The following PTPRR variants were observed in gnomAD, a reference collection of about 807,000 sequenced individuals.
The protein encoded by PTPRR is protein tyrosine phosphatase receptor type R.
A neutral mutation model predicts 77.2 loss-of-function variants in PTPRR; 38 were observed. That is an observed-to-expected ratio of 0.49 (90% CI 0.38 to 0.65). The LOEUF is 0.65. Ranked by LOEUF, PTPRR falls within the 30% of genes least tolerant of loss-of-function variation. The pLI is 0.00. For synonymous variants in PTPRR, 299 were observed against 283.1 expected (o/e 1.06, Z -0.57); for missense variants, 744 against 799.2 (o/e 0.93, Z 0.83).
intron 2 of PTPRR, among the ~76,000 whole-genome samples, chr12:70,874,836 C>T (rs71454297): frequency 0.021 from 3,119 of 148,008 alleles, 48 homozygotes; most frequent in African/African-American, 0.042. Context: ...GCAGGGGAAT[C>T]GCTTGAACCC....
chr12:70,758,654 A>G (rs1486348863), intron 4 of PTPRR, among the ~76,000 whole-genome samples: 2 of 152,128 alleles, frequency 1.3e-5, no homozygotes, highest in Non-Finnish European at 2.9e-5. Flanking sequence ...ACTGCTTCAG[A>G]TTCAGACGTG....
At chr12:70,767,110 T>C (rs1477788744) in intron 2 of PTPRR, among the ~76,000 whole-genome samples, 1 of 151,036 alleles carries the variant, frequency 6.6e-6, no homozygotes, top group Non-Finnish European at 1.5e-5. Flanking sequence ...CATCAACTAA[T>C]GAGCAAAATA....
intron 2 of PTPRR, among the ~76,000 whole-genome samples, chr12:70,800,548 A>G (rs1891597075): frequency 6.6e-6 from 1 of 152,174 alleles, no homozygotes; most frequent in Admixed American, 6.5e-5. Flanking sequence ...CTTTACAGCA[A>G]ACTCATAAAG....
At chr12:70,726,793 A>G (rs1338624685) in intron 6 of PTPRR, among the ~76,000 whole-genome samples, 1 of 152,008 alleles carries the variant, frequency 6.6e-6, no homozygotes, top group African/African-American at 2.4e-5. Context: ...GTCTCTGCTA[A>G]AAGGTCTTGA....
In PTPRR at chr12:70,892,837, G is replaced by C. The variant is rs1156830605; in HGVS notation, c.199C>G (p.His67Asp). ...APQKIYRHSY[H>D]SSSEAQVSKR... ...CTTACTTGAGCTTCGGAAGAGGAATGGTAGCTATGTCTGTAGATTTTTTGT... is the reference window on the plus strand; with the variant it reads ...CTTACTTGAGCTTCGGAAGAGGAATCGTAGCTATGTCTGTAGATTTTTTGT... Residue 67 changes from histidine to aspartate, a missense_variant, in exon 2 of 14, where the codon CAT (histidine) becomes GAT (aspartate). Physicochemically the swap from His to Asp is moderately conservative, Grantham distance 81 (BLOSUM62 -1). Coordinates refer to ENST00000283228, the MANE Select transcript of PTPRR (RefSeq NM_002849.4). 1.2e-6 allele frequency: 2 copies of C among 1,613,494 alleles called. No individual in the cohort carries two copies. The highest frequency in any genetic ancestry group is 1.7e-5 in the Admixed American group (1 of 59,944).
At chr12:70,855,755 A>C (rs1183787490) in intron 2 of PTPRR, among the ~76,000 whole-genome samples, 1 of 152,224 alleles carries the variant, frequency 6.6e-6, no homozygotes, top group African/African-American at 2.4e-5. Flanking sequence ...TACTATGTGA[A>C]GAAAAGTTAT....
At chr12:70,734,962 A>G (rs1015608499) in intron 6 of PTPRR, among the ~76,000 whole-genome samples, 27 of 152,328 alleles carry the variant, frequency 1.8e-4, no homozygotes, top group Admixed American at 3.3e-4. Flanking sequence ...ATGACGTACC[A>G]TTAATTTTCA....
At chr12:70,729,827 TG>T (rs1460481719) in intron 6 of PTPRR, among the ~76,000 whole-genome samples, 1 of 152,002 alleles carries the variant, frequency 6.6e-6, no homozygotes, top group African/African-American at 2.4e-5. Flanking sequence ...AGAATCATAA[TG>T]ATTTAAGAAA....
At position 70,698,154 on chromosome 12, in the gene PTPRR, G is replaced by A. The variant is rs1160269421; in HGVS notation, c.1279+111C>T. 7.6e-6 allele frequency: 6 copies of A among 787,392 alleles called. No individual in the cohort carries two copies. In the Admixed American group the frequency reaches 1.1e-4, roughly 14 times the overall value. The allele number at this position is 787,392 out of a possible 1,614,324, so 48.8% of individuals were successfully genotyped here. On this transcript the variant is annotated intron_variant, in intron 8 of 13. Transcript: ENST00000283228. The stretch of plus-strand genomic sequence containing the variant: ...ACATAGGTATACATGTGCCATTGTG[G>A]TTTGCTTTTGCTGCATCCATCAACC...
chr12:70,736,477 G>A (rs1889865037), intron 6 of PTPRR, among the ~76,000 whole-genome samples: 1 of 152,244 alleles, frequency 6.6e-6, no homozygotes, highest in African/African-American at 2.4e-5. Context: ...TAGGAGTACA[G>A]CCTCTGGAGC....
rs1048906040 is a variant in PTPRR at position 70,897,181 on chromosome 12, C to T, written c.59-4204G>A. Among the ~76,000 whole-genome samples, 15 of 152,046 alleles carry T rather than the reference C, an allele frequency of 9.9e-5. No individual in the cohort carries two copies. In the East Asian group the frequency reaches 2.1e-3, roughly 22 times the overall value. ...ATCTAATTATACTAAAGAGCTTCTG[C>T]ACAGCAAAAGAAACCACCATCAGAG... is the stretch of plus-strand genomic sequence containing the variant. On this transcript the variant is annotated intron_variant, in intron 1 of 13. Coordinates refer to ENST00000283228, the MANE Select transcript of PTPRR (RefSeq NM_002849.4).
intron 13 of PTPRR, among the ~76,000 whole-genome samples, chr12:70,651,101 G>A (rs76298646): frequency 2.6e-5 from 4 of 152,100 alleles, no homozygotes; most frequent in African/African-American, 9.7e-5. Context: ...TCTTAGTGCC[G>A]CTTGCTTTCC....
chr12:70,807,264 C>T (rs1208079603), intron 2 of PTPRR, among the ~76,000 whole-genome samples: 5 of 152,280 alleles, frequency 3.3e-5, no homozygotes, highest in Middle Eastern at 3.4e-3. Context: ...CATGTGTAGA[C>T]TTCTTATATG....
At chr12:70,662,741 T>C in intron 10 of PTPRR, 136 bp from the exon 11 acceptor site, 1 of 541,468 alleles carries the variant, frequency 1.8e-6, no homozygotes, top group Admixed American at 3.6e-5. Flanking sequence ...GTTTTGTAAA[T>C]ATACTAAAAC....
chr12:70,704,238 ATAGCAAGACCCTG>A (rs1377191712), intron 6 of PTPRR, among the ~76,000 whole-genome samples: 1 of 151,998 alleles, frequency 6.6e-6, no homozygotes, highest in Non-Finnish European at 1.5e-5. Flanking sequence ...CTTGGGCAAC[ATAGCAAGACCCTG>A]TCTCTACAAA....
intron 1 of PTPRR, among the ~76,000 whole-genome samples, chr12:70,916,872 T>C (rs1258933460): frequency 6.6e-6 from 1 of 152,178 alleles, no homozygotes; most frequent in Non-Finnish European, 1.5e-5. Flanking sequence ...AAAAGGCTGA[T>C]AGCAAGAACA....
chr12:70,767,259 T>C (rs922207864), intron 2 of PTPRR, among the ~76,000 whole-genome samples: 53 of 151,830 alleles, frequency 3.5e-4, no homozygotes, highest in Middle Eastern at 3.2e-3. Context: ...TGTGCTGTAT[T>C]CAGGAAACCC....
intron 6 of PTPRR, among the ~76,000 whole-genome samples, chr12:70,707,994 C>T (rs1888679949): frequency 6.6e-6 from 1 of 152,064 alleles, no homozygotes; most frequent in South Asian, 2.1e-4. Context: ...ACCTGTGTCC[C>T]AGGCAGACAA....
At chr12:70,877,869 C>A (rs949593011) in intron 2 of PTPRR, among the ~76,000 whole-genome samples, 14 of 152,086 alleles carry the variant, frequency 9.2e-5, no homozygotes, top group Non-Finnish European at 1.6e-4. Flanking sequence ...GCTACAGTAA[C>A]CAAAACAGCA....
Sources: allele counts gnomAD v4.1 joint callset (sites outside exome capture counted in the v4.1 genomes callset), GRCh38; gene constraint gnomAD v4.1.1; transcripts MANE v1.5; gene names NCBI Gene and HGNC (gene_info 2026-07-23, HGNC 2026-07-21).